Variants in NPM1 observed in about 807,000 individuals in gnomAD.
NPM1 encodes nucleophosmin 1.
NPM1 carries 1 observed loss-of-function variant against 44.1 expected under a neutral mutation model. That is an observed-to-expected ratio of 0.02 (90% CI 0.01 to 0.11). The LOEUF is 0.11. Ranked by LOEUF, NPM1 falls within the 10% of genes least tolerant of loss-of-function variation. The pLI is 1.00. For missense variants in NPM1, 197 were observed against 347.8 expected, an observed-to-expected ratio of 0.57 and a Z score of 3.45; for synonymous variants, 126 against 111.8, an observed-to-expected ratio of 1.13 and a Z score of -0.80.
chr5:171,403,623 G>A (rs1325665764), intron 8 of NPM1, among the ~76,000 whole-genome samples: 8 of 121,238 alleles, frequency 6.6e-5, no homozygotes, highest in East Asian at 5.0e-4. Context: ...GGGGCGGCTG[G>A]CCGGGCAGGG....
At chr5:171,405,113 T>C (rs891820226) in intron 8 of NPM1, among the ~76,000 whole-genome samples, 189 bp from the exon 9 acceptor site, 6 of 152,156 alleles carry the variant, frequency 3.9e-5, no homozygotes, top group African/African-American at 1.4e-4. Flanking sequence ...AATCATCTTA[T>C]TCCTTCCTTA....
intron 6 of NPM1, 32 bp downstream of exon 6, chr5:171,393,010 C>T (rs778560510): frequency 4.1e-5 from 66 of 1,595,534 alleles, no homozygotes; most frequent in Non-Finnish European, 5.5e-5. Context: ...TGATATACTT[C>T]CGGAATCTTG....
At chr5:171,399,338 T>TG (rs1267388297) in intron 6 of NPM1, among the ~76,000 whole-genome samples, 1 of 152,188 alleles carries the variant, frequency 6.6e-6, no homozygotes, top group East Asian at 1.9e-4. Flanking sequence ...TACAGTTCAC[T>TG]GTCTCAAGCA....
rs2113180752 is a variant in NPM1 at position 171,392,797 on chromosome 5, G to A, written c.440G>A (p.Gly147Asp). 1.9e-6 allele frequency: 3 copies of A among 1,613,782 alleles called. No homozygotes were observed. The highest frequency in any genetic ancestry group is 2.5e-6 in the Non-Finnish European group (3 of 1,179,802). ...TCTGGAAAGCGGTCTGCCCCTGGAG[G>A]TGGTAGCAAGGTTCCACAGGTAGAG... Reference protein sequence around the residue: ...SISGKRSAPGGGSKVPQKKVK... With the variant: ...SISGKRSAPGDGSKVPQKKVK... Residue 147 changes from glycine to aspartate, a missense_variant, in exon 5 of 11, where the codon GGT becomes GAT. Transcript: ENST00000296930.
chr5:171,394,825 G>A (rs994547897), intron 6 of NPM1, among the ~76,000 whole-genome samples: 34 of 152,290 alleles, frequency 2.2e-4, no homozygotes, highest in African/African-American at 7.9e-4. Flanking sequence ...AGGCTTTGGA[G>A]TAGGACCTGA....
chr5:171,394,316 A>G (rs1330893962), intron 6 of NPM1, among the ~76,000 whole-genome samples: 1 of 151,898 alleles, frequency 6.6e-6, no homozygotes, highest in Non-Finnish European at 1.5e-5. Flanking sequence ...GGGATTGCAG[A>G]TGTGAACCAC....
intron 10 of NPM1, among the ~76,000 whole-genome samples, chr5:171,409,536 C>CT (rs1771722044): frequency 6.6e-6 from 1 of 152,276 alleles, no homozygotes; most frequent in African/African-American, 2.4e-5. Context: ...GAGTGAGAGT[C>CT]TATCTCAGAA....
chr5:171,402,093 C>T lies in NPM1; in HGVS notation c.669+1168C>T, dbSNP rs375849112. ...TTAACCTGATGAAATAGTTTATTTACAATTTAAACGAATAAATTTCATATT... is the reference window on the plus strand; with the variant it reads ...TTAACCTGATGAAATAGTTTATTTATAATTTAAACGAATAAATTTCATATT... On this transcript the variant is annotated intron_variant, in intron 8 of 10. Transcript: ENST00000296930. Among the ~76,000 whole-genome samples the T allele has an allele frequency of 8.7e-4, 116 of 133,384 alleles. 3 individuals are homozygous for T. The South Asian group carries it at 0.027, about 31-fold the overall frequency. 87.5% of individuals were successfully genotyped at this position (133,384 alleles called of 152,430 possible).
At chr5:171,388,371 G>A (rs1032580153) in intron 1 of NPM1, among the ~76,000 whole-genome samples, 16 of 152,150 alleles carry the variant, frequency 1.1e-4, no homozygotes, top group East Asian at 7.7e-4. Flanking sequence ...GGCTTCTGAT[G>A]CCAGGCCCCG....
At chr5:171,402,367 A>G (rs1037244513) in intron 8 of NPM1, among the ~76,000 whole-genome samples, 2 of 151,876 alleles carry the variant, frequency 1.3e-5, no homozygotes, top group African/African-American at 4.8e-5. Context: ...GCTGCTGGCA[A>G]GGTTGCAGAA....
rs200132495 is a variant in NPM1 at position 171,387,913 on chromosome 5, C to T, written c.-36C>T. ...GGAGCAGCGTTCTTTTATCTCCGTC[C>T]GCCTTCTCTCCTACCTAAGTGCGTG... On this transcript the variant is annotated 5_prime_UTR_variant, in exon 1 of 11. Coordinates refer to ENST00000296930, the MANE Select transcript of NPM1 (RefSeq NM_002520.7). 65 of 1,598,634 alleles carry T rather than the reference C, an allele frequency of 4.1e-5. No homozygotes were observed. The African/African-American group carries it at 6.0e-4, about 15-fold the overall frequency.
At chr5:171,389,796 G>T (rs900281797) in intron 1 of NPM1, among the ~76,000 whole-genome samples, 1 of 152,174 alleles carries the variant, frequency 6.6e-6, no homozygotes, top group Non-Finnish European at 1.5e-5. Context: ...GCTTGTTTAT[G>T]CAGAATAACA....
intron 2 of NPM1, among the ~76,000 whole-genome samples, chr5:171,390,383 C>T (rs1770510683): frequency 6.6e-6 from 1 of 152,168 alleles, no homozygotes; most frequent in Non-Finnish European, 1.5e-5. Flanking sequence ...AATTACAAAG[C>T]CCTTGTAAAA....
chr5:171,395,962 A>ATTTTTTTTTTTTTTTTTTT (rs200119475), intron 6 of NPM1, among the ~76,000 whole-genome samples: 3 of 133,440 alleles, frequency 2.2e-5, no homozygotes. Context: ...AGTAAAGCTG[A>ATTTTTTTTTTTTTTTTTTT]ATTTTTTTTT....
upstream of NPM1, chr5:171,387,844 G>C (rs573534099): frequency 6.5e-6 from 7 of 1,070,318 alleles, no homozygotes; most frequent in South Asian, 1.3e-5. Flanking sequence ...CGGGGAGCCT[G>C]CGTCCTTTCC....
At chr5:171,393,101 TTA>T in intron 6 of NPM1, 123 bp downstream of exon 6, 1 of 1,298,842 alleles carries the variant, frequency 7.7e-7, no homozygotes, top group Non-Finnish European at 1.0e-6. Context: ...ATGTAATAGT[TTA>T]TAATAAAAGG....
chr5:171,400,100 G>A (rs376765876), intron 6 of NPM1, 53 bp from the exon 7 acceptor site: 12 of 998,940 alleles, frequency 1.2e-5, no homozygotes, highest in Non-Finnish European at 1.9e-5. Context: ...TTCAATTCTT[G>A]TGTCTACTCC....
chr5:171,387,407 A>T (rs142860287), upstream of NPM1, among the ~76,000 whole-genome samples: 2 of 152,178 alleles, frequency 1.3e-5, no homozygotes, highest in Non-Finnish European at 2.9e-5. Context: ...GCACTAGGGG[A>T]TGGGGAAAGG....
intron 7 of NPM1, 158 bp from the exon 8 acceptor site, chr5:171,400,681 C>CAG: frequency 1.8e-6 from 1 of 548,606 alleles, no homozygotes; most frequent in Non-Finnish European, 3.3e-6. Context: ...CTCCTGACCT[C>CAG]GTGATCCACC....
Sources: allele counts gnomAD v4.1 joint callset (sites outside exome capture counted in the v4.1 genomes callset), GRCh38; gene constraint gnomAD v4.1.1; transcripts MANE v1.5; gene names NCBI Gene and HGNC (gene_info 2026-07-23, HGNC 2026-07-21).